The following ANKAR variants were observed in gnomAD, a reference collection of about 807,000 sequenced individuals.
ANKAR encodes ankyrin and armadillo repeat containing, also known as ankyrin and armadillo repeat-containing protein.
A neutral mutation model predicts 146.2 loss-of-function variants in ANKAR; 136 were observed. The observed-to-expected ratio is 0.93, with a 90% CI of 0.81 to 1.07. The LOEUF is 1.07. ANKAR is among the 50% of genes least tolerant of loss of function. The pLI, the probability that ANKAR is intolerant of heterozygous loss-of-function variation, is 0.00. For synonymous variants in ANKAR, 500 were observed against 575.8 expected (o/e 0.87, Z 1.88); for missense variants, 1,567 against 1,679.9 (o/e 0.93, Z 1.18).
At position 189,746,432 on chromosome 2, in the gene ANKAR, G is replaced by T; in HGVS notation, c.4110G>T (p.Leu1370Phe). ...LKPKIQPKDS[L>F]TLLPPVTNFM... ...CTAAAATTCAACCAAAAGATTCTTT[G>T]ACTTTATTACCTCCTGTAACTAACT... Residue 1370 changes from leucine (L) to phenylalanine (F), a missense_variant, in exon 23 of 23, where the codon TTG becomes TTT. By Grantham distance (22) the Leu-to-Phe change is conservative. Coordinates refer to ENST00000684021, the MANE Select transcript of ANKAR (RefSeq NM_001378068.1). The T allele has an allele frequency of 1.2e-6, 2 of 1,608,374 alleles. No individual in the cohort carries two copies. The highest frequency in any genetic ancestry group is 2.2e-5 in the South Asian group (2 of 89,208).
At chr2:189,687,731 C>T (rs2035821411) in intron 2 of ANKAR, among the ~76,000 whole-genome samples, 1 of 152,142 alleles carries the variant, frequency 6.6e-6, no homozygotes, top group African/African-American at 2.4e-5. Flanking sequence ...AACACCTTTT[C>T]GTATGCCTGT....
intron 9 of ANKAR, 141 bp from the exon 10 acceptor site, chr2:189,710,908 G>C: frequency 1.5e-6 from 1 of 645,936 alleles, no homozygotes; most frequent in South Asian, 2.0e-5. Flanking sequence ...GTGCACAGAG[G>C]GGAATTTAAT....
intron 17 of ANKAR, among the ~76,000 whole-genome samples, chr2:189,734,015 A>G (rs1338771964): frequency 6.6e-6 from 1 of 152,050 alleles, no homozygotes; most frequent in Non-Finnish European, 1.5e-5. Context: ...ATATCCCTCA[A>G]TTTGACCTTG....
At chr2:189,704,931 TA>T in intron 7 of ANKAR, 91 bp from the exon 8 acceptor site, 1 of 1,219,050 alleles carries the variant, frequency 8.2e-7, no homozygotes. Context: ...CATACAATAC[TA>T]AGCTCTGTGG....
At chr2:189,677,829 A>T (rs1021390444) in intron 2 of ANKAR, among the ~76,000 whole-genome samples, 1 of 151,624 alleles carries the variant, frequency 6.6e-6, no homozygotes, top group African/African-American at 2.4e-5. Context: ...TTCTTTATCT[A>T]CTCATTGGTT....
At chr2:189,754,396 G>T in intron 18 of ANKAR, 1 of 1,457,236 alleles carries the variant, frequency 6.9e-7, no homozygotes, top group East Asian at 2.4e-5. Flanking sequence ...ACTGTGAAAC[G>T]AAAAGATGCA....
Position 189,676,619 on chromosome 2 carries a change from A to G in ANKAR, c.129A>G (p.Ile43Met). Residue 43 changes from isoleucine to methionine, a missense_variant, in exon 2 of 23, where the codon ATA becomes ATG. Coordinates refer to ENST00000684021, the MANE Select transcript of ANKAR (RefSeq NM_001378068.1). ...AFFEKYDRSE[I>M]QELLTTALVS... ...TTGAAAAATATGATCGGAGTGAAAT[A>G]CAAGAGTTACTAACTACTGCACTAG... 1 of 1,614,060 alleles carries G rather than the reference A, an allele frequency of 6.2e-7. No individual in the cohort carries two copies. The highest frequency in any genetic ancestry group is 1.1e-5 in the South Asian group (1 of 91,086).
At chr2:189,729,960 C>T (rs1253646342) in intron 15 of ANKAR, among the ~76,000 whole-genome samples, 1 of 150,706 alleles carries the variant, frequency 6.6e-6, no homozygotes, top group Non-Finnish European at 1.5e-5. Flanking sequence ...AGTTTCTCAA[C>T]AGGAAATTGC....
chr2:189,721,780 G>C (rs112098418), intron 12 of ANKAR, among the ~76,000 whole-genome samples: 5,764 of 150,436 alleles, frequency 0.038, 157 homozygotes, highest in African/African-American at 0.071. Flanking sequence ...TTCCTGCTCA[G>C]TATATCATTT....
Position 189,728,419 on chromosome 2 carries a change from T to G in ANKAR, c.3030T>G (p.Val1010=), listed in dbSNP as rs1372674747. ...CACCATCAGCTAAAATGCAGTATGT[T>G]GGTAAGTTATTTTCCTTATTTTATT... The part of the protein sequence containing the change: ...LLSPSAKMQY[V]GGEAVIALSK... Residue 1010 remains valine (V), a splice_region_variant and synonymous_variant, in exon 14 of 23, where the codon GTT becomes GTG. Coordinates refer to ENST00000684021, the MANE Select transcript of ANKAR (RefSeq NM_001378068.1). The G allele has an allele frequency of 3.1e-6, 5 of 1,587,648 alleles. No homozygotes were observed. The highest frequency in any genetic ancestry group is 4.3e-6 in the Non-Finnish European group (5 of 1,172,494).
intron 17 of ANKAR, among the ~76,000 whole-genome samples, chr2:189,735,969 C>A (rs932274901): frequency 1.3e-5 from 2 of 152,078 alleles, no homozygotes; most frequent in African/African-American, 4.8e-5. Flanking sequence ...CAATAAGTAA[C>A]CAGTGGGTAT....
intron 12 of ANKAR, among the ~76,000 whole-genome samples, chr2:189,726,935 T>C (rs2041940084): frequency 6.6e-6 from 1 of 152,112 alleles, no homozygotes; most frequent in African/African-American, 2.4e-5. Context: ...CAGGTAAAGG[T>C]ATACAGGAAT....
At chr2:189,719,227 A>C (rs1225593174) in intron 10 of ANKAR, among the ~76,000 whole-genome samples, 1 of 152,218 alleles carries the variant, frequency 6.6e-6, no homozygotes, top group African/African-American at 2.4e-5. Flanking sequence ...TGCAATAACC[A>C]AAACTGACCT....
intron 19 of ANKAR, 55 bp from the exon 20 acceptor site, chr2:189,741,287 A>G (rs2043306886): frequency 7.4e-7 from 1 of 1,352,328 alleles, no homozygotes; most frequent in African/African-American, 1.5e-5. Flanking sequence ...TAATGAAAGT[A>G]TTATAAGTTT....
At position 189,689,910 on chromosome 2, in the gene ANKAR, T is replaced by C; in HGVS notation, c.985T>C (p.Leu329=). 1 of 1,555,392 alleles carries C rather than the reference T, an allele frequency of 6.4e-7. No homozygotes were observed. Among genetic ancestry groups the C allele is most frequent in the Non-Finnish European group, 8.6e-7 (1 of 1,159,574 alleles). The part of the protein sequence containing the change: ...ICFLIPFLLS[L]KKKMKVPYLS... ...TTTTCTGATTCCATTTCTACTGAGTTTAAAGAAGAAAATGAAAGTTCCATA... is the reference window on the plus strand; with the variant it reads ...TTTTCTGATTCCATTTCTACTGAGTCTAAAGAAGAAAATGAAAGTTCCATA... The change falls in exon 3 of 23, where the codon TTA becomes CTA. Residue 329 remains leucine (L), a synonymous_variant. Coordinates refer to ENST00000684021, the MANE Select transcript of ANKAR (RefSeq NM_001378068.1).
At chr2:189,705,351 A>G in intron 8 of ANKAR, 127 bp downstream of exon 8, 1 of 924,808 alleles carries the variant, frequency 1.1e-6, no homozygotes, top group East Asian at 2.6e-5. Context: ...CACTGCCACT[A>G]AAAGGTGATA....
intron 17 of ANKAR, among the ~76,000 whole-genome samples, chr2:189,735,527 A>G (rs2042767682): frequency 6.6e-6 from 1 of 152,222 alleles, no homozygotes; most frequent in African/African-American, 2.4e-5. Context: ...TTCAGATTAC[A>G]CAGGTGTGTT....
chr2:189,733,144 G>A lies in ANKAR; in HGVS notation c.3338G>A (p.Gly1113Glu). The change falls in exon 17 of 23, where the codon GGG (glycine) becomes GAG (glutamate). Residue 1113 changes from glycine to glutamate, a missense_variant. Transcript: ENST00000684021. ...VAFSLACIVL[G>E]NDVLQKDLHE... ...TTTTCCTTGGCATGCATTGTCCTAG[G>A]GAATGATGTGTTACAGAAAGACTTA... 1 of 1,612,654 alleles carries A rather than the reference G, an allele frequency of 6.2e-7. No individual in the cohort carries two copies. Among genetic ancestry groups the A allele is most frequent in the Non-Finnish European group, 8.5e-7 (1 of 1,179,338 alleles).
chr2:189,740,531 CT>C (rs2043227456), intron 19 of ANKAR, among the ~76,000 whole-genome samples: 2 of 152,088 alleles, frequency 1.3e-5, no homozygotes, highest in Admixed American at 1.3e-4. Flanking sequence ...CAGTTGCTAG[CT>C]GCACATTTAA....
Sources: allele counts gnomAD v4.1 joint callset (sites outside exome capture counted in the v4.1 genomes callset), GRCh38; gene constraint gnomAD v4.1.1; transcripts MANE v1.5; gene names NCBI Gene and HGNC (gene_info 2026-07-23, HGNC 2026-07-21).